The following BMP10 variants were observed in gnomAD, a reference collection of about 807,000 sequenced individuals.
BMP10 encodes the protein bone morphogenetic protein 10.
In BMP10, 9 loss-of-function variants were observed where a neutral mutation model predicts 29.9. That is an observed-to-expected ratio of 0.30 (90% confidence interval 0.18 to 0.53). The LOEUF is 0.53. Among genes scored for constraint, BMP10 ranks in the 20% least tolerant of loss-of-function variants. BMP10 has a pLI of 0.96. For missense variants in BMP10, 474 were observed against 524.3 expected (o/e 0.90, Z 0.94); for synonymous variants, 202 against 200.2 (o/e 1.01, Z -0.07).
At chr2:68,869,239 G>A (rs971717890) in intron 1 of BMP10, among the ~76,000 whole-genome samples, 2 of 25,982 alleles carry the variant, frequency 7.7e-5, no homozygotes, top group Admixed American at 6.2e-4. Flanking sequence ...AAAGGAGCAC[G>A]CTTTTTTCAC....
Position 68,866,131 on chromosome 2 carries a change from C to T in BMP10, c.775G>A (p.Asp259Asn), listed in dbSNP as rs1234727078. ...HNPLLIVFSDDQSSDKERKEE... is the reference protein window; with the variant it reads ...HNPLLIVFSDNQSSDKERKEE... ...TTCCTCTCCTTGTCACTGCTTTGGT[C>T]ATCAGAAAACACGATGAGCAAAGGG... is the stretch of plus-strand genomic sequence containing the variant. Residue 259 changes from aspartate (D) to asparagine (N), a missense_variant, in exon 2 of 2, where the codon GAC becomes AAC. Asp to Asn is a conservative substitution (Grantham distance 23). This residue lies in a region of BMP10 where 408 missense variants were observed against 415.3 expected (regional missense o/e 0.98). Coordinates refer to ENST00000295379, the MANE Select transcript of BMP10 (RefSeq NM_014482.3). 6.2e-7 allele frequency: 1 copy of T among 1,614,072 alleles called. No homozygotes were observed. Among genetic ancestry groups the T allele is most frequent in the South Asian group, 1.1e-5 (1 of 91,070 alleles).
chr2:68,870,176 C>T (rs1447356005), intron 1 of BMP10, among the ~76,000 whole-genome samples: 2 of 152,126 alleles, frequency 1.3e-5, no homozygotes, highest in Non-Finnish European at 2.9e-5. Context: ...AAATTAGTTC[C>T]TTTGGACCTT....
chr2:68,869,066 G>A lies in BMP10; in HGVS notation c.334+1959C>T, dbSNP rs74655367. The stretch of plus-strand genomic sequence containing the variant: ...GAGTTACATTTCAGGGCAAGAGAAC[G>A]AATGTTTGTTGACAAATTTCTCATG... On this transcript the variant is annotated intron_variant, in intron 1 of 1. Coordinates refer to ENST00000295379, the MANE Select transcript of BMP10 (RefSeq NM_014482.3). Among the ~76,000 whole-genome samples the A allele has an allele frequency of 5.4e-3, 828 of 152,308 alleles. 6 individuals carry two copies. Among genetic ancestry groups the A allele is most frequent in the African/African-American group, 0.018 (757 of 41,570 alleles).
chr2:68,868,987 T>C (rs930810372), intron 1 of BMP10, among the ~76,000 whole-genome samples: 1 of 152,244 alleles, frequency 6.6e-6, no homozygotes, highest in Non-Finnish European at 1.5e-5. Flanking sequence ...TTTGAAAAAG[T>C]AAGTTCACTG....
At chr2:68,870,708 C>T (rs752884492) in intron 1 of BMP10, among the ~76,000 whole-genome samples, 3 of 152,048 alleles carry the variant, frequency 2.0e-5, no homozygotes, top group Non-Finnish European at 2.9e-5. Flanking sequence ...GACAAAGGTA[C>T]GGCAGTAGAC....
At position 68,861,371 on chromosome 2, in the gene BMP10, AAC is replaced by A. The variant is rs1379684268; in HGVS notation, c.*4258_*4259del. ...TGATAAAAACATGCTGATCACAACA[AAC>A]AGTTATTCCATGATGGGTTTTTAAC... is the stretch of plus-strand genomic sequence containing the variant. On this transcript the variant is annotated 3_prime_UTR_variant, in exon 2 of 2. Coordinates refer to ENST00000295379, the MANE Select transcript of BMP10 (RefSeq NM_014482.3). Among the ~76,000 whole-genome samples, 1 of 152,266 alleles carries A rather than the reference AAC, an allele frequency of 6.6e-6. No individual in the cohort carries two copies. Among genetic ancestry groups the A allele is most frequent in the Admixed American group, 6.5e-5 (1 of 15,284 alleles).
rs1682893189 is a variant in BMP10 at position 68,863,207 on chromosome 2, C to G, written c.*2424G>C. ...AGAAGTTTTGCAAGCCAGTTGACAT[C>G]ACCTTGGCAGCTCAAGATAGACCAT... On this transcript the variant is annotated 3_prime_UTR_variant, in exon 2 of 2. Transcript: ENST00000295379. Among the ~76,000 whole-genome samples, 1 of 152,218 alleles carries G rather than the reference C, an allele frequency of 6.6e-6. No homozygotes were observed. Among genetic ancestry groups the G allele is most frequent in the Non-Finnish European group, 1.5e-5 (1 of 68,032 alleles).
chr2:68,871,281 G>A lies in BMP10; in HGVS notation c.78C>T (p.Asn26=). 1 of 1,614,144 alleles carries A rather than the reference G, an allele frequency of 6.2e-7. No homozygotes were observed. The highest frequency in any genetic ancestry group is 8.5e-7 in the Non-Finnish European group (1 of 1,180,006). Residue 26 remains asparagine (N), a synonymous_variant, in exon 1 of 2, where the codon AAC becomes AAT. Transcript: ENST00000295379. ...CTTCTTCCAGAGGAGACTGCTCTAG[G>A]TTCATGATGGGGCTGCCAGAAACCA... is the stretch of plus-strand genomic sequence containing the variant. ...AYLVSGSPIM[N]LEQSPLEEDM...
chr2:68,861,705 T>A lies in BMP10; in HGVS notation c.*3926A>T, dbSNP rs1190899237. On this transcript the variant is annotated 3_prime_UTR_variant, in exon 2 of 2. Coordinates refer to ENST00000295379, the MANE Select transcript of BMP10 (RefSeq NM_014482.3). ...CTTCATAATCTGTTGATGAATCAAG[T>A]AAGAAGAATACATAAAATTCTCTTA... is the stretch of plus-strand genomic sequence containing the variant. Among the ~76,000 whole-genome samples, 1 of 152,196 alleles carries A rather than the reference T, an allele frequency of 6.6e-6. No homozygotes were observed. Among genetic ancestry groups the A allele is most frequent in the African/African-American group, 2.4e-5 (1 of 41,452 alleles).
At chr2:68,868,559 T>C (rs1422777144) in intron 1 of BMP10, among the ~76,000 whole-genome samples, 1 of 152,206 alleles carries the variant, frequency 6.6e-6, no homozygotes, top group Non-Finnish European at 1.5e-5. Context: ...TTAAAAATAT[T>C]GATTAGTTGA....
intron 1 of BMP10, among the ~76,000 whole-genome samples, chr2:68,867,261 A>G (rs912733419): frequency 1.3e-5 from 2 of 152,364 alleles, no homozygotes; most frequent in East Asian, 1.9e-4. Flanking sequence ...AAAGCTTAAA[A>G]TAGTTATTAT....
Position 68,871,046 on chromosome 2 carries a change from T to G in BMP10, c.313A>C (p.Ile105Leu). ...DRTSMPSANI[I>L]RSFKNEDLFS... is the part of the protein sequence containing the mutation. Reference sequence around the variant, plus strand: ...TTACCTTCATTCTTGAAACTCCTAATGATGTTGGCAGAGGGCATGGAGGTC... The same window carrying G: ...TTACCTTCATTCTTGAAACTCCTAAGGATGTTGGCAGAGGGCATGGAGGTC... Residue 105 changes from isoleucine to leucine, a missense_variant, in exon 1 of 2, where the codon ATT (isoleucine) becomes CTT (leucine). By Grantham distance (5) the Ile-to-Leu change is conservative. Coordinates refer to ENST00000295379, the MANE Select transcript of BMP10 (RefSeq NM_014482.3). 6.2e-7 allele frequency: 1 copy of G among 1,611,772 alleles called. No homozygotes were observed. Among genetic ancestry groups the G allele is most frequent in the Non-Finnish European group, 8.5e-7 (1 of 1,178,104 alleles).
chr2:68,869,164 C>T (rs968124531), intron 1 of BMP10, among the ~76,000 whole-genome samples: 1 of 152,174 alleles, frequency 6.6e-6, no homozygotes, highest in African/African-American at 2.4e-5. Context: ...ATTCTCTACT[C>T]GTTTTGCACC....
intron 1 of BMP10, among the ~76,000 whole-genome samples, chr2:68,868,983 AAAGT>A (rs1255251487): frequency 6.6e-6 from 1 of 152,206 alleles, no homozygotes; most frequent in African/African-American, 2.4e-5. Flanking sequence ...CTGTTTTGAA[AAAGT>A]AAGTTCACTG....
chr2:68,865,693 C>T lies in BMP10; in HGVS notation c.1213G>A (p.Gly405Ser), dbSNP rs1205217551. The T allele has an allele frequency of 1.9e-6, 3 of 1,614,058 alleles. No individual in the cohort carries two copies. Among genetic ancestry groups the T allele is most frequent in the Non-Finnish European group, 2.5e-6 (3 of 1,179,972 alleles). ...EPISILYLDK[G>S]VVTYKFKYEG... ...TATTTAAACTTGTAGGTGACGACGC[C>T]TTTGTCTAAATAGAGGATGGAGATG... Residue 405 changes from glycine to serine, a missense_variant, in exon 2 of 2, where the codon GGC becomes AGC. Gly to Ser is a moderately conservative substitution (Grantham distance 56, BLOSUM62 0). Around this residue, in one of 2 missense-constraint regions of BMP10, gnomAD observed 66 missense variants for 109.0 expected, o/e 0.61. Coordinates refer to ENST00000295379, the MANE Select transcript of BMP10 (RefSeq NM_014482.3). This position sits in a 1 kb window ranked among gnomAD's most constrained non-coding sequence, Gnocchi z 4.7.
rs1404753932 is a variant in BMP10, at chr2:68,862,178, C to G, written c.*3453G>C. 6.6e-5 allele frequency among the ~76,000 whole-genome samples: 10 copies of G among 152,230 alleles called. No individual in the cohort carries two copies. The highest frequency in any genetic ancestry group is 2.2e-4 in the African/African-American group (9 of 41,460). ...TTAAATATTTCCTGGAACATCTACA[C>G]TTCAGTTAAAACTGTACTATTTACA... On this transcript the variant is annotated 3_prime_UTR_variant, in exon 2 of 2. Coordinates refer to ENST00000295379, the MANE Select transcript of BMP10 (RefSeq NM_014482.3).
chr2:68,863,563 G>A lies in BMP10; in HGVS notation c.*2068C>T, dbSNP rs1682900157. Among the ~76,000 whole-genome samples, 1 of 152,148 alleles carries A rather than the reference G, an allele frequency of 6.6e-6. No homozygotes were observed. The highest frequency in any genetic ancestry group is 2.4e-5 in the African/African-American group (1 of 41,430). On this transcript the variant is annotated 3_prime_UTR_variant, in exon 2 of 2. Coordinates refer to ENST00000295379, the MANE Select transcript of BMP10 (RefSeq NM_014482.3). Reference sequence around the variant, plus strand: ...CATCACACACACATACACACATCATGTTATATGGAGGCTGTTCCACAAATA... The same window carrying A: ...CATCACACACACATACACACATCATATTATATGGAGGCTGTTCCACAAATA...
At chr2:68,867,645 C>T (rs1682988426) in intron 1 of BMP10, among the ~76,000 whole-genome samples, 1 of 152,120 alleles carries the variant, frequency 6.6e-6, no homozygotes, top group Non-Finnish European at 1.5e-5. Flanking sequence ...ACAAGGAAGC[C>T]CTGAAGGCAT....
At position 68,871,084 on chromosome 2, in the gene BMP10, A is replaced by C. The variant is rs781529193; in HGVS notation, c.275T>G (p.Phe92Cys). 3.7e-6 allele frequency: 6 copies of C among 1,614,116 alleles called. No homozygotes were observed. The Admixed American group carries it at 1.0e-4, about 27-fold the overall frequency. Reference protein sequence around the residue: ...PEYMLELYNKFATDRTSMPSA... With the variant: ...PEYMLELYNKCATDRTSMPSA... Reference sequence around the variant, plus strand: ...GGGCATGGAGGTCCGATCTGTTGCAAATTTGTTGTAGAGTTCCAACATGTA... The same window carrying C: ...GGGCATGGAGGTCCGATCTGTTGCACATTTGTTGTAGAGTTCCAACATGTA... Residue 92 changes from phenylalanine (F) to cysteine (C), a missense_variant, in exon 1 of 2, where the codon TTT (phenylalanine) becomes TGT (cysteine). By Grantham distance (205) the Phe-to-Cys change is radical. Transcript: ENST00000295379.
Sources: allele counts gnomAD v4.1 joint callset (sites outside exome capture counted in the v4.1 genomes callset), GRCh38; gene constraint gnomAD v4.1.1; regional missense constraint gnomAD v4.1.1; non-coding constraint Gnocchi (gnomAD v3.1); transcripts MANE v1.5; gene names NCBI Gene and HGNC (gene_info 2026-07-23, HGNC 2026-07-21).